The following GPHN variants were observed in gnomAD, a reference collection of about 807,000 sequenced individuals.
GPHN encodes gephyrin.
In GPHN, 17 loss-of-function variants were observed where a neutral mutation model predicts 95.5. The ratio of observed to expected loss-of-function variants is 0.18; its 90% CI spans 0.12 to 0.27. The LOEUF is 0.27. Ranked by LOEUF, GPHN falls within the 10% of genes least tolerant of loss-of-function variation. The probability of loss-of-function intolerance (pLI) is 1.00; values close to 1 mark genes in which losing one functional copy is unlikely to be tolerated. For synonymous variants in GPHN, 320 were observed against 322.5 expected, an observed-to-expected ratio of 0.99 and a Z score of 0.08; for missense variants, 660 against 978.1, an observed-to-expected ratio of 0.67 and a Z score of 4.34.
At chr14:66,845,503 A>T (rs888183660) in intron 4 of GPHN, among the ~76,000 whole-genome samples, 5 of 152,148 alleles carry the variant, frequency 3.3e-5, no homozygotes, top group Non-Finnish European at 7.3e-5. Flanking sequence ...GTTAAATTTT[A>T]AAAAAATAAC....
chr14:67,460,651 C>T, the GPHN span, among the ~76,000 whole-genome samples: 1 of 152,126 alleles, frequency 6.6e-6, no homozygotes, highest in Non-Finnish European at 1.5e-5. Flanking sequence ...TTGTGGTGAG[C>T]CAAGATTGCA....
downstream of GPHN, among the ~76,000 whole-genome samples, chr14:67,184,019 A>G (rs1016193563): frequency 1.3e-5 from 2 of 151,436 alleles, no homozygotes; most frequent in Non-Finnish European, 2.9e-5. Flanking sequence ...TAATTTTTTT[A>G]TATTTTGCAG....
At chr14:66,617,188 C>T (rs1273260966) in intron 1 of GPHN, among the ~76,000 whole-genome samples, 3 of 152,206 alleles carry the variant, frequency 2.0e-5, no homozygotes, top group Admixed American at 1.3e-4. Context: ...CAGGCCCCTA[C>T]CCCAAGGAGC....
the GPHN span, among the ~76,000 whole-genome samples, chr14:67,538,481 T>C: frequency 6.6e-6 from 1 of 152,228 alleles, no homozygotes. Flanking sequence ...TGTAAGGTAT[T>C]CATTTCTGCT....
intron 1 of GPHN, among the ~76,000 whole-genome samples, chr14:66,613,995 C>G (rs1038457803): frequency 6.6e-6 from 1 of 152,064 alleles, no homozygotes; most frequent in African/African-American, 2.4e-5. Context: ...TGTCTTATCT[C>G]TCCCGGCTGG....
In GPHN at chr14:66,826,306, C is replaced by T. The variant is rs113897209; in HGVS notation, c.294+1740C>T. On this transcript the variant is annotated intron_variant, in intron 4 of 22. Transcript: ENST00000478722. The stretch of plus-strand genomic sequence containing the variant: ...TACTTATCAACAAGGTGACCATAGA[C>T]GGAGTGCTTTTACTCACACTTCTGA... Among the ~76,000 whole-genome samples, 471 of 152,252 alleles carry T rather than the reference C, an allele frequency of 3.1e-3. 11 individuals carry two copies. Among genetic ancestry groups the T allele is most frequent in the African/African-American group, 0.011 (446 of 41,560 alleles).
chr14:67,338,502 T>C, the GPHN span: 44 of 1,157,042 alleles, frequency 3.8e-5, no homozygotes, highest in South Asian at 7.5e-4. Context: ...TCTAGGTAAA[T>C]TTTACAACCA....
chr14:67,143,488 A>G (rs371977711), intron 18 of GPHN, 39 bp downstream of exon 18: 2 of 1,180,072 alleles, frequency 1.7e-6, no homozygotes, highest in Non-Finnish European at 2.6e-6. Flanking sequence ...ATCTGCTGTA[A>G]TGTTCTTGCA....
At chr14:67,423,058 C>T in the GPHN span, among the ~76,000 whole-genome samples, 5 of 151,946 alleles carry the variant, frequency 3.3e-5, no homozygotes, top group Non-Finnish European at 7.4e-5. Flanking sequence ...GTCTCAAACT[C>T]CCAACCTTAG....
the GPHN span, chr14:67,352,993 C>A: frequency 9.9e-6 from 16 of 1,613,884 alleles, no homozygotes; most frequent in East Asian, 6.7e-5. Context: ...CAGGAGGTTT[C>A]GACCTGTCTG....
the GPHN span, among the ~76,000 whole-genome samples, chr14:67,258,050 G>A: frequency 6.6e-6 from 1 of 151,780 alleles, no homozygotes; most frequent in Non-Finnish European, 1.5e-5. Flanking sequence ...TTTGGCAATA[G>A]GTAGGTGTGG....
rs1851287238 is a variant in GPHN at position 66,591,954 on chromosome 14, C to T, written c.64+83363C>T. ...AAACAGCATGTTACTGGTACCAAAA[C>T]AGATATATAGGCTAATGGAACAGAA... On this transcript the variant is annotated intron_variant, in intron 1 of 22. Coordinates refer to ENST00000478722, the MANE Select transcript of GPHN (RefSeq NM_020806.5). Among the ~76,000 whole-genome samples the T allele has an allele frequency of 1.3e-5, 2 of 152,168 alleles. 1 individual carries two copies. The highest frequency in any genetic ancestry group is 4.1e-4 in the South Asian group (2 of 4,832).
At chr14:67,277,619 A>T in the GPHN span, among the ~76,000 whole-genome samples, 1 of 152,198 alleles carries the variant, frequency 6.6e-6, no homozygotes, top group Non-Finnish European at 1.5e-5. Flanking sequence ...AAGGCTAATT[A>T]GATTTAATGT....
chr14:67,255,084 G>T, the GPHN span, among the ~76,000 whole-genome samples: 5 of 152,166 alleles, frequency 3.3e-5, no homozygotes, highest in Non-Finnish European at 7.3e-5. Context: ...GGGAGGCGGA[G>T]GTTGCAGTGA....
chr14:66,874,945 A>T (rs768273575), intron 4 of GPHN, among the ~76,000 whole-genome samples: 2 of 152,126 alleles, frequency 1.3e-5, no homozygotes, highest in Non-Finnish European at 2.9e-5. Context: ...CAACCCCAAG[A>T]CACATAATCA....
intron 1 of GPHN, among the ~76,000 whole-genome samples, chr14:66,614,566 C>G (rs2062921426): frequency 6.9e-6 from 1 of 145,444 alleles, no homozygotes; most frequent in Non-Finnish European, 1.5e-5. Flanking sequence ...TTCTTTCACT[C>G]CAAAACTTTA....
the GPHN span, chr14:67,573,861 C>G: frequency 6.2e-7 from 1 of 1,613,386 alleles, no homozygotes. The surrounding 1 kb of genome is among the most constrained non-coding windows in gnomAD (Gnocchi z 4.8). Flanking sequence ...CCAAATTGTT[C>G]GAGGGGAGGG....
the GPHN span, among the ~76,000 whole-genome samples, chr14:67,224,173 A>G: frequency 6.6e-6 from 1 of 151,922 alleles, no homozygotes; most frequent in African/African-American, 2.4e-5. Context: ...GGCACTTCAA[A>G]TGCACTGTTT....
At chr14:66,801,596 CCTCT>C (rs148122581) in intron 3 of GPHN, among the ~76,000 whole-genome samples, 7 of 141,564 alleles carry the variant, frequency 4.9e-5, no homozygotes, top group Non-Finnish European at 9.2e-5. Context: ...TCTCTCTCTC[CCTCT>C]CTCTCTCTCT....
Sources: gnomAD v4.1 joint callset for allele counts (sites outside exome capture counted in the v4.1 genomes callset) on GRCh38, gnomAD v4.1.1 for gene constraint, Gnocchi (gnomAD v3.1) non-coding constraint, MANE v1.5 for transcripts, NCBI Gene and HGNC (gene_info 2026-07-23, HGNC 2026-07-21) for gene names.